LSAMP: variants seen among roughly 807,000 people sequenced by gnomAD.
LSAMP encodes limbic system-associated membrane protein.
LSAMP carries 7 observed loss-of-function variants against 38.6 expected under a neutral mutation model. The observed-to-expected ratio is 0.18, with a 90% CI of 0.10 to 0.34. LSAMP has a LOEUF of 0.34. Ranked by LOEUF, LSAMP falls within the 10% of genes least tolerant of loss-of-function variation. The pLI is 1.00. For synonymous variants in LSAMP, 154 were observed against 166.8 expected (o/e 0.92, Z 0.59); for missense variants, 313 against 420.0 (o/e 0.75, Z 2.23).
chr3:115,903,206 A>T (rs940462983), intron 3 of LSAMP, among the ~76,000 whole-genome samples: 6 of 152,196 alleles, frequency 3.9e-5, no homozygotes, highest in Non-Finnish European at 8.8e-5. Flanking sequence ...ATGGAGCTGG[A>T]AGCCATTATC....
intron 1 of LSAMP, among the ~76,000 whole-genome samples, chr3:116,309,283 T>C (rs2107714906): frequency 6.6e-6 from 1 of 152,158 alleles, no homozygotes; most frequent in African/African-American, 2.4e-5. Flanking sequence ...GATTACCAAG[T>C]ATAATCTGGT....
chr3:115,971,984 AC>A (rs1489001782), intron 3 of LSAMP, among the ~76,000 whole-genome samples: 1 of 152,086 alleles, frequency 6.6e-6, no homozygotes, highest in Non-Finnish European at 1.5e-5. Flanking sequence ...TAAATCCTAT[AC>A]ATCTATTAAA....
chr3:116,285,138 T>C (rs984108490), intron 1 of LSAMP, among the ~76,000 whole-genome samples: 11 of 152,124 alleles, frequency 7.2e-5, no homozygotes, highest in Non-Finnish European at 1.5e-4. Context: ...CTGGCTCAGC[T>C]CCAAATTGGC....
At chr3:116,174,243 C>A (rs556773218) in intron 1 of LSAMP, among the ~76,000 whole-genome samples, 1 of 152,018 alleles carries the variant, frequency 6.6e-6, no homozygotes, top group East Asian at 1.9e-4. Context: ...GATAATGACA[C>A]CTTGCTTTTT....
intron 1 of LSAMP, among the ~76,000 whole-genome samples, chr3:116,420,801 C>T (rs910150947): frequency 1.3e-5 from 2 of 152,152 alleles, no homozygotes; most frequent in East Asian, 1.9e-4. Flanking sequence ...CACTTGAACC[C>T]GGGAGGCAGA....
At chr3:116,160,236 C>T (rs1413905983) in intron 1 of LSAMP, among the ~76,000 whole-genome samples, 1 of 152,014 alleles carries the variant, frequency 6.6e-6, no homozygotes, top group Non-Finnish European at 1.5e-5. Flanking sequence ...CCTGTCTCTA[C>T]CAAAAATACA....
At chr3:116,068,876 T>A (rs983806409) in intron 2 of LSAMP, among the ~76,000 whole-genome samples, 7 of 152,224 alleles carry the variant, frequency 4.6e-5, no homozygotes, top group Non-Finnish European at 7.3e-5. Flanking sequence ...ATAAGGTGTG[T>A]AATGAAACAG....
intron 1 of LSAMP, among the ~76,000 whole-genome samples, chr3:116,240,175 G>A (rs2046514649): frequency 6.6e-6 from 1 of 152,166 alleles, no homozygotes. Context: ...TATCCTTGAA[G>A]CCTTCCTTTG....
intron 1 of LSAMP, among the ~76,000 whole-genome samples, chr3:116,259,845 C>T (rs2046802245): frequency 6.6e-6 from 1 of 152,172 alleles, no homozygotes; most frequent in African/African-American, 2.4e-5. Context: ...TCCTTCTTAG[C>T]TCTCTGCCTT....
intron 1 of LSAMP, among the ~76,000 whole-genome samples, chr3:116,253,547 C>T (rs919049840): frequency 3.3e-5 from 5 of 152,184 alleles, no homozygotes; most frequent in Admixed American, 2.0e-4. Flanking sequence ...GAAAAGAGCA[C>T]TACATAATGT....
intron 1 of LSAMP, among the ~76,000 whole-genome samples, chr3:116,134,792 C>T (rs1277380784): frequency 6.6e-6 from 1 of 152,134 alleles, no homozygotes; most frequent in Non-Finnish European, 1.5e-5. Flanking sequence ...GATCCATGAG[C>T]AGAGAACTTA....
chr3:115,847,698 C>CG (rs1321657899), intron 4 of LSAMP, among the ~76,000 whole-genome samples: 3 of 152,198 alleles, frequency 2.0e-5, no homozygotes, highest in Admixed American at 2.0e-4. Flanking sequence ...CATTCCCTTT[C>CG]CTGCCGCCTT....
chr3:116,444,461 G>A (rs571208754), intron 1 of LSAMP, among the ~76,000 whole-genome samples: 1 of 150,628 alleles, frequency 6.6e-6, no homozygotes, highest in African/African-American at 2.4e-5. Flanking sequence ...CTCTCTGAGA[G>A]CCATAATCCA....
chr3:116,251,860 G>C (rs2107649160), intron 1 of LSAMP, among the ~76,000 whole-genome samples: 1 of 152,236 alleles, frequency 6.6e-6, no homozygotes, highest in East Asian at 1.9e-4. Flanking sequence ...ATGGTAAATA[G>C]AATTATTTGT....
At chr3:116,300,097 G>A (rs1244677608) in intron 1 of LSAMP, among the ~76,000 whole-genome samples, 1 of 152,132 alleles carries the variant, frequency 6.6e-6, no homozygotes, top group Non-Finnish European at 1.5e-5. Flanking sequence ...AGCAGAGACT[G>A]AGTAAAATCA....
Position 116,108,319 on chromosome 3 carries a change from C to T in LSAMP, c.156-21763G>A, listed in dbSNP as rs4619782. 7.6e-3 allele frequency among the ~76,000 whole-genome samples: 1,114 copies of T among 146,094 alleles called. 10 individuals are homozygous for T. The highest frequency in any genetic ancestry group is 0.029 in the African/African-American group (1,048 of 35,668). On this transcript the variant is annotated intron_variant, in intron 1 of 6. Coordinates refer to ENST00000490035, the MANE Select transcript of LSAMP (RefSeq NM_002338.5). The stretch of plus-strand genomic sequence containing the variant: ...AAGGGAACTGGGCAGGTGGGGATAA[C>T]TAAAAAGGAGTGCTTAAAAGAGTAC...
At chr3:116,304,998 C>T (rs1446133049) in intron 1 of LSAMP, among the ~76,000 whole-genome samples, 4 of 152,042 alleles carry the variant, frequency 2.6e-5, no homozygotes, top group Non-Finnish European at 5.9e-5. Flanking sequence ...AAATACACTA[C>T]TAAAGGTGTT....
intron 1 of LSAMP, among the ~76,000 whole-genome samples, chr3:116,128,474 G>A (rs1309246329): frequency 6.6e-6 from 1 of 152,120 alleles, no homozygotes; most frequent in Non-Finnish European, 1.5e-5. Flanking sequence ...ATATCCATGG[G>A]TGAGAAGTTA....
chr3:116,394,954 A>G (rs141491294), intron 1 of LSAMP, among the ~76,000 whole-genome samples: 51 of 152,230 alleles, frequency 3.4e-4, no homozygotes, highest in Admixed American at 1.2e-3. Flanking sequence ...ACTTATTTTT[A>G]AATATTATCA....
Sources: allele counts gnomAD v4.1 joint callset (sites outside exome capture counted in the v4.1 genomes callset), GRCh38; gene constraint gnomAD v4.1.1; transcripts MANE v1.5; gene names NCBI Gene and HGNC (gene_info 2026-07-23, HGNC 2026-07-21).